The following EIF2B3 variants were observed in gnomAD, a reference collection of about 807,000 sequenced individuals.
EIF2B3 encodes translation initiation factor eIF2B subunit gamma.
EIF2B3 carries 20 observed loss-of-function variants against 54.1 expected under a neutral mutation model. The observed-to-expected ratio is 0.37, with a 90% CI of 0.26 to 0.54. The LOEUF (loss-of-function observed/expected upper bound fraction) is 0.54. Among genes scored for constraint, EIF2B3 ranks in the 20% least tolerant of loss-of-function variants. The probability of loss-of-function intolerance (pLI) is 0.86; values close to 1 mark genes in which losing one functional copy is unlikely to be tolerated. For synonymous variants in EIF2B3, 153 were observed against 188.1 expected (o/e 0.81, Z 1.52); for missense variants, 448 against 547.8 (o/e 0.82, Z 1.82).
intron 3 of EIF2B3, among the ~76,000 whole-genome samples, chr1:44,942,596 T>A (rs184171147): frequency 6.8e-6 from 1 of 147,168 alleles, no homozygotes; most frequent in East Asian, 2.0e-4. Flanking sequence ...CTTGGCTAAT[T>A]TTTACATTTT....
At chr1:44,983,243 TTC>T (rs1337598440) in intron 1 of EIF2B3, among the ~76,000 whole-genome samples, 1 of 152,262 alleles carries the variant, frequency 6.6e-6, no homozygotes, top group Non-Finnish European at 1.5e-5. Context: ...TGAAAGTACT[TTC>T]TCTTACAATG....
chr1:44,960,824 T>C (rs1644277703), intron 3 of EIF2B3, among the ~76,000 whole-genome samples: 1 of 152,128 alleles, frequency 6.6e-6, no homozygotes, highest in African/African-American at 2.4e-5. Flanking sequence ...TGAGGGTTCC[T>C]GGAACCAATA....
chr1:44,939,724 T>C (rs7547844), intron 4 of EIF2B3, among the ~76,000 whole-genome samples: 7,940 of 151,314 alleles, frequency 0.052, 733 homozygotes, highest in African/African-American at 0.18. Context: ...ATAAAAACTA[T>C]ATATAAAGTG....
intron 6 of EIF2B3, among the ~76,000 whole-genome samples, chr1:44,891,905 T>C (rs1321986323): frequency 6.6e-6 from 1 of 152,146 alleles, no homozygotes; most frequent in Admixed American, 6.5e-5. Flanking sequence ...TCTTATTTTA[T>C]GTTTTGTAAT....
At chr1:44,882,618 A>ATTT (rs747962035) in intron 6 of EIF2B3, among the ~76,000 whole-genome samples, 1 of 126,720 alleles carries the variant, frequency 7.9e-6, no homozygotes, top group Non-Finnish European at 1.7e-5. Context: ...TGCCTGGCTA[A>ATTT]TTTTTTTTTT....
At chr1:44,901,415 C>A (rs369091958) in intron 5 of EIF2B3, among the ~76,000 whole-genome samples, 14 of 152,030 alleles carry the variant, frequency 9.2e-5, no homozygotes, top group African/African-American at 2.7e-4. Context: ...TGCGCCCAGT[C>A]CCTTTAAGAT....
chr1:44,893,165 G>T (rs939568368), intron 6 of EIF2B3, among the ~76,000 whole-genome samples: 6 of 152,202 alleles, frequency 3.9e-5, no homozygotes, highest in Non-Finnish European at 1.5e-5. Context: ...ATGGGCTCAA[G>T]TGGTCCTCCT....
intron 6 of EIF2B3, among the ~76,000 whole-genome samples, chr1:44,885,901 A>ATTTTTTTTTTT (rs57544990): frequency 3.0e-5 from 4 of 133,210 alleles, no homozygotes; most frequent in Non-Finnish European, 4.7e-5. Context: ...CGCTTGGCTA[A>ATTTTTTTTTTT]TTTTTTTTTT....
intron 5 of EIF2B3, among the ~76,000 whole-genome samples, chr1:44,905,049 T>C (rs972809759): frequency 6.6e-6 from 1 of 152,224 alleles, no homozygotes; most frequent in African/African-American, 2.4e-5. Flanking sequence ...GTGGTGTGGC[T>C]ATCTGGTATT....
At chr1:44,864,073 T>C (rs2148896084) in intron 10 of EIF2B3, among the ~76,000 whole-genome samples, 1 of 152,286 alleles carries the variant, frequency 6.6e-6, no homozygotes, top group East Asian at 1.9e-4. Flanking sequence ...AGTCCTTGTA[T>C]TCCCTAAGCA....
At chr1:44,854,952 C>T (rs998466379) in intron 11 of EIF2B3, among the ~76,000 whole-genome samples, 3 of 152,000 alleles carry the variant, frequency 2.0e-5, no homozygotes, top group African/African-American at 4.8e-5. Context: ...GGAAGACTGA[C>T]GGAAGACTTT....
chr1:44,883,077 G>A lies in EIF2B3; in HGVS notation c.657-1338C>T, dbSNP rs545857797. On this transcript the variant is annotated intron_variant, in intron 6 of 11. Coordinates refer to ENST00000360403, the MANE Select transcript of EIF2B3 (RefSeq NM_020365.5). ...CCAAGTAGCTGGGATTACAGGCGCC[G>A]GCCACCATGCCTGGCTAATTTTTGT... is the stretch of plus-strand genomic sequence containing the variant. Among the ~76,000 whole-genome samples, 7 of 150,410 alleles carry A rather than the reference G, an allele frequency of 4.7e-5. No individual in the cohort carries two copies. In the South Asian group the frequency reaches 8.5e-4, roughly 18 times the overall value.
chr1:44,910,932 T>C (rs1643501700), intron 5 of EIF2B3, among the ~76,000 whole-genome samples: 1 of 152,080 alleles, frequency 6.6e-6, no homozygotes, highest in African/African-American at 2.4e-5. Flanking sequence ...ATCTGAGATT[T>C]TGGCGCACCC....
At position 44,881,836 on chromosome 1, in the gene EIF2B3, C is replaced by T; in HGVS notation, c.657-97G>A. 1 of 1,510,290 alleles carries T rather than the reference C, an allele frequency of 6.6e-7. No individual in the cohort carries two copies. The highest frequency in any genetic ancestry group is 9.1e-7 in the Non-Finnish European group (1 of 1,100,560). The allele number at this position is 1,510,290 out of a possible 1,614,324, so 93.6% of individuals were successfully genotyped here. ...ATACAAGGAAAAGCCAAATCCTTTC[C>T]TGTCATGGCACCTTGGGACTGTCAG... On this transcript the variant is annotated intron_variant, in intron 6 of 11. Coordinates refer to ENST00000360403, the MANE Select transcript of EIF2B3 (RefSeq NM_020365.5). This position sits in a 1 kb window ranked among gnomAD's most constrained non-coding sequence, Gnocchi z 4.0.
intron 4 of EIF2B3, among the ~76,000 whole-genome samples, chr1:44,929,599 T>A (rs1190826690): frequency 1.3e-5 from 2 of 152,174 alleles, no homozygotes; most frequent in African/African-American, 4.8e-5. Flanking sequence ...TATATCAACT[T>A]ATACATTACA....
chr1:44,850,843 C>T lies in EIF2B3; in HGVS notation c.*108G>A. 3.0e-6 allele frequency: 4 copies of T among 1,318,656 alleles called. No individual in the cohort carries two copies. The South Asian group carries it at 3.5e-5, about 12-fold the overall frequency. 81.7% of individuals were successfully genotyped at this position (1,318,656 alleles called of 1,614,324 possible). On this transcript the variant is annotated 3_prime_UTR_variant, in exon 12 of 12. Transcript: ENST00000360403. ...ACTGCTCCACAAGTCTCCAGCATGC[C>T]TTTGGAAGCCCTTCTTTATTGGGAA...
At chr1:44,855,286 A>G (rs144633404) in intron 11 of EIF2B3, among the ~76,000 whole-genome samples, 714 of 152,268 alleles carry the variant, frequency 4.7e-3, no homozygotes, top group Middle Eastern at 0.014. Context: ...CAGCAGGACC[A>G]TTAAAGGGTC....
At chr1:44,865,868 A>C (rs1044670618) in intron 10 of EIF2B3, among the ~76,000 whole-genome samples, 1 of 152,060 alleles carries the variant, frequency 6.6e-6, no homozygotes, top group Admixed American at 6.6e-5. Flanking sequence ...GAGCCTGGCC[A>C]TCATTGGTAC....
At chr1:44,955,403 A>G (rs374637998) in intron 3 of EIF2B3, among the ~76,000 whole-genome samples, 1 of 152,226 alleles carries the variant, frequency 6.6e-6, no homozygotes, top group Non-Finnish European at 1.5e-5. Flanking sequence ...ACCCAAAACC[A>G]TAAAAACCCT....
Sources: gnomAD v4.1 joint callset for allele counts (sites outside exome capture counted in the v4.1 genomes callset) on GRCh38, gnomAD v4.1.1 for gene constraint, Gnocchi (gnomAD v3.1) non-coding constraint, MANE v1.5 for transcripts, NCBI Gene and HGNC (gene_info 2026-07-23, HGNC 2026-07-21) for gene names.